Variants in NOL4L observed in about 807,000 individuals in gnomAD.
The protein encoded by NOL4L is nucleolar protein 4 like.
In NOL4L, 7 loss-of-function variants were observed where a neutral mutation model predicts 64.5. The ratio of observed to expected loss-of-function variants is 0.11; its 90% CI spans 0.06 to 0.20. The LOEUF is 0.20. NOL4L is among the 10% of genes least tolerant of loss of function. NOL4L has a pLI of 1.00. For missense variants in NOL4L, 680 were observed against 967.1 expected, an observed-to-expected ratio of 0.70 and a Z score of 3.94; for synonymous variants, 413 against 401.0, an observed-to-expected ratio of 1.03 and a Z score of -0.36.
rs1008021813 is a variant in NOL4L, at chr20:32,464,685, G to A, written c.842-8290C>T. On this transcript the variant is annotated intron_variant, in intron 5 of 10. Coordinates refer to ENST00000621426, the MANE Select transcript of NOL4L (RefSeq NM_001256798.2). The surrounding 1 kb of genome is among the most constrained non-coding windows in gnomAD (Gnocchi z 5.6). ...CCAATTTAGGCCCTCACAGTCGGGAGCAGCACTGTCCGACAGAAACAGAGT... is the reference window on the plus strand; with the variant it reads ...CCAATTTAGGCCCTCACAGTCGGGAACAGCACTGTCCGACAGAAACAGAGT... 2.1e-5 allele frequency: 5 copies of A among 237,642 alleles called. No homozygotes were observed. Among genetic ancestry groups the A allele is most frequent in the East Asian group, 7.6e-5 (1 of 13,238 alleles). 14.7% of individuals were successfully genotyped at this position (237,642 alleles called of 1,614,324 possible). A position where few individuals can be genotyped will look rare whatever the true frequency, so the allele number is the denominator to read the frequency against.
chr20:32,459,674 C>G (rs1217131018), intron 5 of NOL4L, among the ~76,000 whole-genome samples: 4 of 152,120 alleles, frequency 2.6e-5, no homozygotes, highest in African/African-American at 4.8e-5. Context: ...CATGGGCCAC[C>G]GTGCCCAGCC....
At chr20:32,494,429 G>A (rs1263517571) in intron 4 of NOL4L, among the ~76,000 whole-genome samples, 2 of 151,854 alleles carry the variant, frequency 1.3e-5, no homozygotes, top group Non-Finnish European at 2.9e-5. Flanking sequence ...CTGCTCCCCT[G>A]CCTACCTCCC....
At chr20:32,547,710 A>G (rs1768485591) in intron 1 of NOL4L, among the ~76,000 whole-genome samples, 1 of 152,150 alleles carries the variant, frequency 6.6e-6, no homozygotes, top group African/African-American at 2.4e-5. Flanking sequence ...TGCAAGCTCA[A>G]CAATCCTTCT....
At chr20:32,582,943 C>T (rs895263781) in intron 1 of NOL4L, among the ~76,000 whole-genome samples, 1 of 151,320 alleles carries the variant, frequency 6.6e-6, no homozygotes, top group Non-Finnish European at 1.5e-5. Flanking sequence ...TGGACTCGAT[C>T]GGGGGAGGGG....
chr20:32,509,708 G>C (rs1248012010), intron 4 of NOL4L: 2 of 1,220,968 alleles, frequency 1.6e-6, no homozygotes, highest in Admixed American at 5.4e-5. Context: ...ATACAGTTAG[G>C]ATTTTTAACC....
chr20:32,511,189 C>CCCGCCTCTCCG lies in NOL4L; in HGVS notation c.699+147_699+157dup, dbSNP rs1473936882. 9.0e-5 allele frequency: 51 copies of CCCGCCTCTCCG among 563,758 alleles called. 1 individual carries two copies. The African/African-American group carries it at 9.3e-4, about 10-fold the overall frequency. The allele number at this position is 563,758 out of a possible 1,614,324, so 34.9% of individuals were successfully genotyped here. A position where few individuals can be genotyped will look rare whatever the true frequency, so the allele number is the denominator to read the frequency against. On this transcript the variant is annotated intron_variant, in intron 4 of 10. Coordinates refer to ENST00000621426, the MANE Select transcript of NOL4L (RefSeq NM_001256798.2). ...TCTCACGAGAAACACATTCTTGCCT[C>CCCGCCTCTCCG]CCGCCTCTCCGCCTGGACAACCCAG...
intron 1 of NOL4L, among the ~76,000 whole-genome samples, chr20:32,554,526 G>T (rs1042808670): frequency 6.6e-6 from 1 of 151,946 alleles, no homozygotes; most frequent in Non-Finnish European, 1.5e-5. Flanking sequence ...AATGTTGTGT[G>T]GGGGGAGGGT....
intron 1 of NOL4L, among the ~76,000 whole-genome samples, chr20:32,542,950 TTA>T (rs2018678487): frequency 6.6e-6 from 1 of 152,134 alleles, no homozygotes; most frequent in Admixed American, 6.5e-5. Flanking sequence ...TGTGAGGATT[TTA>T]GAGGATGCAG....
intron 1 of NOL4L, among the ~76,000 whole-genome samples, chr20:32,570,035 G>C (rs13045702): frequency 6.6e-6 from 1 of 152,094 alleles, no homozygotes; most frequent in Non-Finnish European, 1.5e-5. Flanking sequence ...CAGGCCCTGA[G>C]CTAAGTCTCT....
chr20:32,505,440 T>C (rs754520123), intron 4 of NOL4L, among the ~76,000 whole-genome samples: 4 of 152,132 alleles, frequency 2.6e-5, no homozygotes, highest in Non-Finnish European at 4.4e-5. Context: ...GGAATAAAGT[T>C]GGTCAGGCGC....
intron 5 of NOL4L, among the ~76,000 whole-genome samples, chr20:32,474,075 C>A (rs931256604): frequency 6.6e-6 from 1 of 152,248 alleles, no homozygotes; most frequent in Admixed American, 6.5e-5. Context: ...TGCGCGGAGG[C>A]GGTCAGGGCT....
chr20:32,506,427 C>T (rs1331662896), intron 4 of NOL4L, among the ~76,000 whole-genome samples: 4 of 151,934 alleles, frequency 2.6e-5, no homozygotes, highest in Admixed American at 6.6e-5. Context: ...TTTGGGAGGC[C>T]GAGGAGGGCG....
At chr20:32,527,260 G>A (rs967238292) in intron 2 of NOL4L, among the ~76,000 whole-genome samples, 1 of 152,142 alleles carries the variant, frequency 6.6e-6, no homozygotes, top group Non-Finnish European at 1.5e-5. Context: ...GGAGGGTGGG[G>A]AGCAGGTCCT....
At chr20:32,456,007 T>C in intron 6 of NOL4L, 111 bp downstream of exon 6, 1 of 1,188,050 alleles carries the variant, frequency 8.4e-7, no homozygotes, top group Non-Finnish European at 1.1e-6. Flanking sequence ...CCTGGCTCGG[T>C]GTCACACACA....
In NOL4L at chr20:32,447,727, C is replaced by T. The variant is rs761373270; in HGVS notation, c.1912G>A (p.Val638Met). ...TPSSTSTSRP[V>M]PTAQLSPTEI... ...GTGGGGCTGAGCTGAGCGGTGGGCA[C>T]GGGCCTGCTGGTGCTGGTGCTGGAG... The change falls in exon 11 of 11, where the codon GTG becomes ATG. Residue 638 changes from valine to methionine, a missense_variant. Val to Met is a conservative substitution (Grantham distance 21, BLOSUM62 1). Around this residue, in one of 4 missense-constraint regions of NOL4L, gnomAD observed 175 missense variants for 227.0 expected, o/e 0.77. Transcript: ENST00000621426. 1.4e-5 allele frequency: 19 copies of T among 1,346,792 alleles called. No homozygotes were observed. The highest frequency in any genetic ancestry group is 9.3e-5 in the South Asian group (8 of 86,216). The allele number at this position is 1,346,792 out of a possible 1,614,324, so 83.4% of individuals were successfully genotyped here. A position where few individuals can be genotyped will look rare whatever the true frequency, so the allele number is the denominator to read the frequency against.
intron 1 of NOL4L, among the ~76,000 whole-genome samples, chr20:32,543,720 G>A (rs895855260): frequency 2.0e-5 from 3 of 152,112 alleles, no homozygotes; most frequent in African/African-American, 7.2e-5. Flanking sequence ...AACCCAGGAG[G>A]TGGAGGTTGC....
At position 32,536,256 on chromosome 20, in the gene NOL4L, G is replaced by A. The variant is rs1568698015; in HGVS notation, c.322-8343C>T. 4.1e-6 allele frequency: 4 copies of A among 985,306 alleles called. No homozygotes were observed. The East Asian group carries it at 3.4e-4, about 84-fold the overall frequency. The allele number at this position is 985,306 out of a possible 1,614,324, so 61.0% of individuals were successfully genotyped here. On this transcript the variant is annotated intron_variant, in intron 1 of 10. Transcript: ENST00000621426. ...AGTCACCGAAGGGGGGGTCCTAGGC[G>A]GAAGGAGGTAGCCCTGAGCCAGCCA...
chr20:32,552,591 G>A lies in NOL4L; in HGVS notation c.322-24678C>T, dbSNP rs1392553095. On this transcript the variant is annotated intron_variant, in intron 1 of 10. Coordinates refer to ENST00000621426, the MANE Select transcript of NOL4L (RefSeq NM_001256798.2). ...AATCCCAGCTACTTGGGAGGCTGAG[G>A]CAGGAGAATCACTTGAACCTGGGAG... is the stretch of plus-strand genomic sequence containing the variant. 2.6e-5 allele frequency among the ~76,000 whole-genome samples: 4 copies of A among 152,152 alleles called. No individual in the cohort carries two copies. In the East Asian group the frequency reaches 7.7e-4, roughly 29 times the overall value.
chr20:32,581,494 G>A (rs1291210922), intron 1 of NOL4L, among the ~76,000 whole-genome samples: 4 of 152,216 alleles, frequency 2.6e-5, no homozygotes, highest in Non-Finnish European at 5.9e-5. Flanking sequence ...TGTGGGAGGA[G>A]GAAGGGAGGC....
Sources: allele counts gnomAD v4.1 joint callset (sites outside exome capture counted in the v4.1 genomes callset), GRCh38; gene constraint gnomAD v4.1.1; regional missense constraint gnomAD v4.1.1; non-coding constraint Gnocchi (gnomAD v3.1); transcripts MANE v1.5; gene names NCBI Gene and HGNC (gene_info 2026-07-23, HGNC 2026-07-21).